The following NUP160 variants were observed in gnomAD, a reference collection of about 807,000 sequenced individuals.
NUP160 encodes the protein nuclear pore complex protein Nup160.
Under a neutral mutation model 196.9 loss-of-function variants are expected in NUP160, and 94 were observed. That is an observed-to-expected ratio of 0.48 (90% CI 0.40 to 0.57). NUP160 has a LOEUF of 0.57. Ranked by LOEUF, NUP160 falls within the 20% of genes least tolerant of loss-of-function variation. The pLI is 0.00. For synonymous variants in NUP160, 605 were observed against 619.7 expected (o/e 0.98, Z 0.35); for missense variants, 1,638 against 1,748.3 (o/e 0.94, Z 1.13).
At chr11:47,848,516 G>T, upstream of NUP160, 1 of 983,826 alleles carries the variant, frequency 1.0e-6, no homozygotes, top group Non-Finnish European at 1.5e-6. Flanking sequence ...AAGGGGGCAG[G>T]GGAGGCAGAC....
Position 47,821,936 on chromosome 11 carries a change from A to C in NUP160, c.1180-115T>G. The C allele has an allele frequency of 4.0e-6, 4 of 1,005,888 alleles. No homozygotes were observed. In the South Asian group the frequency reaches 4.4e-5, roughly 11 times the overall value. 62.3% of individuals were successfully genotyped at this position (1,005,888 alleles called of 1,614,324 possible). On this transcript the variant is annotated intron_variant, in intron 8 of 35. Coordinates refer to ENST00000378460, the Ensembl canonical transcript of NUP160. ...ATGTATGAAAACAAAACATGGTACC[A>C]CATGAATTTGGTAAAGTCTAAATGA... is the stretch of plus-strand genomic sequence containing the variant.
intron 4 of NUP160, 23 bp downstream of exon 4, chr11:47,839,820 C>A (rs1364459144): frequency 2.5e-6 from 4 of 1,570,460 alleles, no homozygotes; most frequent in Non-Finnish European, 3.5e-6. Context: ...AAAGTTAAAT[C>A]CATGCTCAGT....
In NUP160 at chr11:47,828,459, C is replaced by T. The variant is rs553931827; in HGVS notation, c.1102-6295G>A. 2.6e-5 allele frequency among the ~76,000 whole-genome samples: 4 copies of T among 152,192 alleles called. No individual in the cohort carries two copies. The East Asian group carries it at 7.7e-4, about 29-fold the overall frequency. On this transcript the variant is annotated intron_variant, in intron 7 of 35. Coordinates refer to ENST00000378460, the Ensembl canonical transcript of NUP160. ...AAAACTTACACTCTGAAAACTAAAG[C>T]ATCCCATGTTCATGGATCAGAAGAC...
At chr11:47,828,124 C>T (rs1034917043) in intron 7 of NUP160, among the ~76,000 whole-genome samples, 1 of 152,148 alleles carries the variant, frequency 6.6e-6, no homozygotes, top group Non-Finnish European at 1.5e-5. Flanking sequence ...CCACCTTGGC[C>T]TCCCAAAGTG....
At chr11:47,778,254 A>G (rs985242122) in exon 36 of NUP160, 3 of 152,560 alleles carry the variant, frequency 2.0e-5, no homozygotes, top group African/African-American at 7.2e-5. Flanking sequence ...AAATTTTAAT[A>G]TACAGAATAA....
At chr11:47,793,049 T>C (rs986126025) in intron 27 of NUP160, 103 bp from the exon 28 acceptor site, 20 of 927,364 alleles carry the variant, frequency 2.2e-5, no homozygotes, top group South Asian at 5.1e-5. Flanking sequence ...TGCAATGGCT[T>C]GATCTCAGCT....
intron 2 of NUP160, chr11:47,841,595 C>T (rs572800031): frequency 2.1e-5 from 9 of 429,072 alleles, no homozygotes; most frequent in African/African-American, 1.5e-4. Flanking sequence ...CCGAAGACAG[C>T]CAGTGTTACA....
intron 2 of NUP160, among the ~76,000 whole-genome samples, chr11:47,845,643 C>G (rs1012787265): frequency 6.6e-6 from 1 of 152,096 alleles, no homozygotes; most frequent in Non-Finnish European, 1.5e-5. Flanking sequence ...GTTTTGTTCC[C>G]TGCTATATCC....
chr11:47,823,303 A>G (rs1385054842), intron 7 of NUP160, among the ~76,000 whole-genome samples: 2 of 152,192 alleles, frequency 1.3e-5, no homozygotes, highest in African/African-American at 2.4e-5. Flanking sequence ...AACTCCTTTC[A>G]TCTTCACCTT....
intron 21 of NUP160, chr11:47,804,232 G>T: frequency 8.2e-6 from 2 of 242,516 alleles, no homozygotes; most frequent in Non-Finnish European, 1.6e-5. Context: ...GAATTATACT[G>T]TCCAGAGAGA....
intron 22 of NUP160, among the ~76,000 whole-genome samples, chr11:47,802,931 G>A (rs2097675084): frequency 6.6e-6 from 1 of 152,042 alleles, no homozygotes; most frequent in Admixed American, 6.6e-5. Context: ...GCAGCAGTGA[G>A]CTGTTGATTA....
At chr11:47,803,622 T>C (rs2097675704) in intron 21 of NUP160, 86 bp from the exon 22 acceptor site, 3 of 780,976 alleles carry the variant, frequency 3.8e-6, no homozygotes, top group Non-Finnish European at 6.9e-6. Flanking sequence ...TCACAGAGGA[T>C]GAAAAGACAG....
chr11:47,796,117 G>A, intron 27 of NUP160: 1 of 261,048 alleles, frequency 3.8e-6, no homozygotes, highest in East Asian at 6.5e-5. Flanking sequence ...CGGTGCCACT[G>A]CACTCTACCC....
intron 33 of NUP160, 127 bp from the exon 34 acceptor site, chr11:47,783,325 T>TTAATACAGA: frequency 8.2e-7 from 1 of 1,215,594 alleles, no homozygotes; most frequent in African/African-American, 1.5e-5. Context: ...GTGGCTTGGT[T>TTAATACAGA]TACTCATCTG....
chr11:47,813,259 G>T, intron 14 of NUP160, 57 bp downstream of exon 14: 6 of 1,291,566 alleles, frequency 4.6e-6, no homozygotes, highest in Non-Finnish European at 6.7e-6. Flanking sequence ...CATGTGAAAC[G>T]AAGCATAGGG....
At chr11:47,826,469 G>A (rs1389898388) in intron 7 of NUP160, among the ~76,000 whole-genome samples, 2 of 151,894 alleles carry the variant, frequency 1.3e-5, no homozygotes, top group Non-Finnish European at 2.9e-5. Context: ...ATTCATTCCC[G>A]ATCTGACCTT....
intron 29 of NUP160, 137 bp downstream of exon 29, chr11:47,791,793 G>A: frequency 1.6e-6 from 1 of 613,552 alleles, no homozygotes; most frequent in Non-Finnish European, 2.8e-6. Flanking sequence ...TTTTACAAGG[G>A]CAACTGTTAC....
exon 10 of NUP160, chr11:47,819,450 G>T (rs559621892): frequency 3.1e-6 from 5 of 1,611,520 alleles, no homozygotes; most frequent in South Asian, 1.1e-5. Context: ...CCACTGACCT[G>T]CAACATTACT....
intron 2 of NUP160, among the ~76,000 whole-genome samples, chr11:47,846,071 G>C (rs558124557): frequency 1.6e-4 from 24 of 150,972 alleles, no homozygotes; most frequent in African/African-American, 5.4e-4. Context: ...AGGAGGCGGA[G>C]ACTGCAGTAA....
Sources: allele counts gnomAD v4.1 joint callset (sites outside exome capture counted in the v4.1 genomes callset), GRCh38; gene constraint gnomAD v4.1.1; transcripts MANE v1.5; gene names NCBI Gene and HGNC (gene_info 2026-07-23, HGNC 2026-07-21).